HTR2C: variants seen among roughly 807,000 people sequenced by gnomAD.
HTR2C encodes the protein 5-hydroxytryptamine (serotonin) receptor 2C, G protein-coupled.
Under a neutral mutation model 21.0 loss-of-function variants are expected in HTR2C, and 5 were observed. The observed-to-expected ratio is 0.24, with a 90% CI of 0.12 to 0.50. The LOEUF is 0.50. Ranked by LOEUF, HTR2C falls within the 20% of genes least tolerant of loss-of-function variation. HTR2C has a pLI of 0.98. For missense variants in HTR2C, 271 were observed against 371.2 expected (o/e 0.73, Z 2.22); for synonymous variants, 150 against 145.3 (o/e 1.03, Z -0.23).
chrX:114,725,497 G>A (rs188006590), intron 2 of HTR2C, among the ~76,000 whole-genome samples: 164 of 111,524 alleles, frequency 1.5e-3, no homozygotes, highest in African/African-American at 5.2e-3. Context: ...TGATCGTCTG[G>A]AGCCTTCTTC....
At chrX:114,639,494 C>A (rs1930004881) in intron 2 of HTR2C, 1 of 112,794 alleles carries the variant, frequency 8.9e-6, no homozygotes, top group African/African-American at 3.3e-5. Context: ...AGGGAGGAGG[C>A]CATAGTGGCA....
chrX:114,763,434 A>G (rs782277500), intron 4 of HTR2C, among the ~76,000 whole-genome samples: 1 of 111,920 alleles, frequency 8.9e-6, no homozygotes, highest in East Asian at 2.8e-4. Flanking sequence ...GCCCCTTTAT[A>G]ACTGTGGCAC....
chrX:114,707,777 T>C (rs1158172210), intron 2 of HTR2C, among the ~76,000 whole-genome samples: 1 of 110,978 alleles, frequency 9.0e-6, no homozygotes, highest in East Asian at 2.8e-4. Flanking sequence ...TGTCAGTCTT[T>C]CTCATTTGAA....
At chrX:114,598,854 T>G (rs1927970369) in intron 1 of HTR2C, among the ~76,000 whole-genome samples, 1 of 111,559 alleles carries the variant, frequency 9.0e-6, no homozygotes, top group African/African-American at 3.3e-5. Context: ...CAATATTGCC[T>G]GTTATTATTA....
At chrX:114,863,772 T>A (rs2071023759) in intron 5 of HTR2C, among the ~76,000 whole-genome samples, 1 of 111,928 alleles carries the variant, frequency 8.9e-6, no homozygotes, top group Non-Finnish European at 1.9e-5. Context: ...ATCCATTTTG[T>A]TCTTTTATGT....
chrX:114,776,214 TTTTGTCTAAGCCGTAAGCAATA>T lies in HTR2C; in HGVS notation c.349+44609_349+44630del, dbSNP rs368459927. On this transcript the variant is annotated intron_variant, in intron 4 of 5. Coordinates refer to ENST00000276198, the MANE Select transcript of HTR2C (RefSeq NM_000868.4). ...AACACATTTCTTTCAGCTCCAACCT[TTTTGTCTAAGCCGTAAGCAATA>T]TCAGCAGCACTTGGCTCATTGATAA... is the stretch of plus-strand genomic sequence containing the variant. The T allele has an allele frequency of 1.4e-4, 80 of 560,222 alleles. No homozygotes were observed. In the Middle Eastern group the frequency reaches 2.0e-3, roughly 14 times the overall value. 46.2% of individuals were successfully genotyped at this position (560,222 alleles called of 1,213,427 possible).
At chrX:114,892,495 A>G (rs1208872625) in intron 5 of HTR2C, among the ~76,000 whole-genome samples, 1 of 112,086 alleles carries the variant, frequency 8.9e-6, no homozygotes, top group Non-Finnish European at 1.9e-5. Flanking sequence ...AAGATAAAAT[A>G]ATTGTCTATG....
chrX:114,812,763 AAC>A (rs1407040248), intron 4 of HTR2C, among the ~76,000 whole-genome samples: 1 of 109,480 alleles, frequency 9.1e-6, no homozygotes, highest in Non-Finnish European at 1.9e-5. Flanking sequence ...CAAAAAAAAA[AAC>A]AAAAAAACAA....
chrX:114,776,031 TCTTATA>T (rs2070053643), intron 4 of HTR2C: 1 of 429,490 alleles, frequency 2.3e-6, no homozygotes, highest in Non-Finnish European at 4.1e-6. Context: ...CTGATGTCTT[TCTTATA>T]CTTATGCTTG....
intron 1 of HTR2C, among the ~76,000 whole-genome samples, chrX:114,607,673 C>T (rs1928522845): frequency 9.0e-6 from 1 of 111,133 alleles, no homozygotes; most frequent in Non-Finnish European, 1.9e-5. Context: ...ACATGCAGAG[C>T]ATCAGGTTTT....
In HTR2C at chrX:114,761,888, T is replaced by C. The variant is rs12860583; in HGVS notation, c.349+30281T>C. 9.4e-3 allele frequency among the ~76,000 whole-genome samples: 115 copies of C among 12,251 alleles called. 4 individuals are homozygous for C. The highest frequency in any genetic ancestry group is 0.029 in the South Asian group (5 of 170). The allele number at this position is 12,251 out of a possible 115,157, so 10.6% of individuals were successfully genotyped here. ...CTCTCTCTCTCTATATATATATATA[T>C]GTGTATATATACATATATGTGTATA... On this transcript the variant is annotated intron_variant, in intron 4 of 5. Transcript: ENST00000276198.
At chrX:114,684,321 G>A (rs1213087958) in intron 2 of HTR2C, among the ~76,000 whole-genome samples, 1 of 111,618 alleles carries the variant, frequency 9.0e-6, no homozygotes, top group Non-Finnish European at 1.9e-5. Flanking sequence ...CTAATCTCAA[G>A]TAAAGATATT....
chrX:114,769,985 A>G (rs1556436675), intron 4 of HTR2C, among the ~76,000 whole-genome samples: 3 of 111,688 alleles, frequency 2.7e-5, no homozygotes. Context: ...TTTACTGGAA[A>G]TAGAATTCTT....
intron 2 of HTR2C, among the ~76,000 whole-genome samples, chrX:114,691,792 A>C (rs1932114448): frequency 8.9e-6 from 1 of 111,748 alleles, no homozygotes; most frequent in African/African-American, 3.2e-5. Flanking sequence ...ATTTCTTCAT[A>C]AAATGTGTTC....
At chrX:114,817,854 C>T (rs2070599523) in intron 4 of HTR2C, among the ~76,000 whole-genome samples, 1 of 110,981 alleles carries the variant, frequency 9.0e-6, no homozygotes, top group Admixed American at 9.7e-5. Context: ...TTTATGAGGC[C>T]AATATTATCC....
chrX:114,808,177 T>C (rs1449093483), intron 4 of HTR2C, among the ~76,000 whole-genome samples: 1 of 111,017 alleles, frequency 9.0e-6, no homozygotes, highest in Non-Finnish European at 1.9e-5. Flanking sequence ...ATGAGTTCAA[T>C]TGTTTTAATT....
At chrX:114,609,076 T>C (rs781836947) in intron 1 of HTR2C, among the ~76,000 whole-genome samples, 82 of 111,985 alleles carry the variant, frequency 7.3e-4, no homozygotes, top group Non-Finnish European at 1.2e-3. Flanking sequence ...TGAATACTTC[T>C]CTTGCAACAG....
At chrX:114,787,336 A>T (rs1392347945) in intron 4 of HTR2C, among the ~76,000 whole-genome samples, 1 of 111,909 alleles carries the variant, frequency 8.9e-6, no homozygotes, top group South Asian at 3.7e-4. Context: ...CATGCAGAAA[A>T]ATATCTACCA....
intron 2 of HTR2C, among the ~76,000 whole-genome samples, chrX:114,704,482 A>G (rs1463729514): frequency 7.1e-5 from 8 of 112,029 alleles, no homozygotes; most frequent in Non-Finnish European, 1.9e-5. Flanking sequence ...CAATAGATGC[A>G]GAAAAGGCCT....
Sources: allele counts gnomAD v4.1 joint callset (sites outside exome capture counted in the v4.1 genomes callset), GRCh38; gene constraint gnomAD v4.1.1; transcripts MANE v1.5; gene names NCBI Gene and HGNC (gene_info 2026-07-23, HGNC 2026-07-21).